The following B3GALT1 variants were observed in gnomAD, a reference collection of about 807,000 sequenced individuals.
The protein encoded by B3GALT1 is beta-1,3-galactosyltransferase 1, also known as UDP-Gal:betaGlcNAc beta 1,3-galactosyltransferase, polypeptide 1.
A neutral mutation model predicts 23.2 loss-of-function variants in B3GALT1; 10 were observed. The observed-to-expected ratio is 0.43, with a 90% CI of 0.27 to 0.73. B3GALT1 has a LOEUF of 0.73. B3GALT1 is among the 30% of genes least tolerant of loss of function. The pLI is 0.21. For synonymous variants in B3GALT1, 156 were observed against 141.5 expected, an observed-to-expected ratio of 1.10 and a Z score of -0.73; for missense variants, 299 against 405.4, an observed-to-expected ratio of 0.74 and a Z score of 2.25.
chr2:167,333,377 A>G lies in B3GALT1; in HGVS notation c.-511+40043A>G. Reference sequence around the variant, plus strand: ...AGTGTAAAGCAGGGCTAACACCAGGAGAATTGGTCAAAATTCTCTTTAAGA... The same window carrying G: ...AGTGTAAAGCAGGGCTAACACCAGGGGAATTGGTCAAAATTCTCTTTAAGA... On this transcript the variant is annotated intron_variant, in intron 1 of 4. Coordinates refer to ENST00000392690, the MANE Select transcript of B3GALT1 (RefSeq NM_020981.4). Among the ~76,000 whole-genome samples the G allele has an allele frequency of 1.3e-5, 2 of 152,210 alleles. 1 individual carries two copies. The highest frequency in any genetic ancestry group is 2.9e-5 in the Non-Finnish European group (2 of 68,036).
intron 4 of B3GALT1, among the ~76,000 whole-genome samples, chr2:167,820,085 C>A (rs1227642193): frequency 6.6e-6 from 1 of 152,130 alleles, no homozygotes; most frequent in Non-Finnish European, 1.5e-5. Context: ...GACAAATATA[C>A]TGAGTATTTT....
intron 3 of B3GALT1, among the ~76,000 whole-genome samples, chr2:167,765,187 C>A (rs553213868): frequency 6.6e-6 from 1 of 152,128 alleles, no homozygotes; most frequent in African/African-American, 2.4e-5. Flanking sequence ...TGCCTGAGAC[C>A]GGACTGCCTT....
At chr2:167,403,540 A>G (rs2105290598) in intron 1 of B3GALT1, among the ~76,000 whole-genome samples, 1 of 152,142 alleles carries the variant, frequency 6.6e-6, no homozygotes, top group African/African-American at 2.4e-5. Context: ...TTGTACAGAT[A>G]TGGTTTTGGT....
At chr2:167,623,268 G>A (rs185464839) in intron 2 of B3GALT1, among the ~76,000 whole-genome samples, 2 of 152,214 alleles carry the variant, frequency 1.3e-5, no homozygotes, top group Admixed American at 6.5e-5. Context: ...CCATTACTGG[G>A]TATATGCCCA....
Position 167,873,302 on chromosome 2 carries a change from T to C in B3GALT1, c.*3282T>C, listed in dbSNP as rs969558100. The C allele has an allele frequency of 6.6e-6, 1 of 152,200 alleles. No homozygotes were observed. The highest frequency in any genetic ancestry group is 2.4e-5 in the African/African-American group (1 of 41,442). 9.4% of individuals were successfully genotyped at this position (152,200 alleles called of 1,614,324 possible). The stretch of plus-strand genomic sequence containing the variant: ...TTCGGTGGCTTGGTGTCTTCTTATA[T>C]TGGAACAAGTGTCCATTTCAATATG... On this transcript the variant is annotated 3_prime_UTR_variant, in exon 5 of 5. Transcript: ENST00000392690.
At chr2:167,381,886 A>G (rs1194598874) in intron 1 of B3GALT1, among the ~76,000 whole-genome samples, 1 of 152,158 alleles carries the variant, frequency 6.6e-6, no homozygotes, top group Admixed American at 6.5e-5. Flanking sequence ...AATTTTGATC[A>G]GTTTATCTTT....
intron 2 of B3GALT1, among the ~76,000 whole-genome samples, chr2:167,492,496 G>C (rs1200679548): frequency 6.6e-6 from 1 of 152,088 alleles, no homozygotes; most frequent in African/African-American, 2.4e-5. Context: ...TATATACAAA[G>C]GAGTATTATG....
At chr2:167,447,425 G>GAA (rs1699017515) in intron 1 of B3GALT1, among the ~76,000 whole-genome samples, 1 of 152,208 alleles carries the variant, frequency 6.6e-6, no homozygotes, top group Non-Finnish European at 1.5e-5. Flanking sequence ...AGAAGTTTCT[G>GAA]CTACCTTTTG....
At position 167,629,597 on chromosome 2, in the gene B3GALT1, T is replaced by C. The variant is rs1274776973; in HGVS notation, c.-409-17312T>C. ...AATATCCTCTGAACCTCTGAACCAT[T>C]GTTTTATTAACATTTTTCTTTAAAT... On this transcript the variant is annotated intron_variant, in intron 2 of 4. Transcript: ENST00000392690. Among the ~76,000 whole-genome samples, 3 of 151,888 alleles carry C rather than the reference T, an allele frequency of 2.0e-5. No homozygotes were observed. In the East Asian group the frequency reaches 5.8e-4, roughly 29 times the overall value.
chr2:167,330,597 G>A (rs569070444), intron 1 of B3GALT1, among the ~76,000 whole-genome samples: 99 of 152,206 alleles, frequency 6.5e-4, no homozygotes, highest in Admixed American at 1.1e-3. Context: ...GCGACAGAGC[G>A]CGACCCAGCC....
intron 1 of B3GALT1, among the ~76,000 whole-genome samples, chr2:167,314,657 A>G (rs1404945781): frequency 6.6e-6 from 1 of 152,158 alleles, no homozygotes; most frequent in Non-Finnish European, 1.5e-5. Flanking sequence ...TTGCATGCAA[A>G]TAAGACACAT....
intron 1 of B3GALT1, among the ~76,000 whole-genome samples, chr2:167,418,779 C>T (rs550075676): frequency 5.1e-4 from 77 of 152,072 alleles, no homozygotes; most frequent in South Asian, 1.7e-3. Flanking sequence ...TCAGGCAGTC[C>T]GCCTGCTTTG....
intron 4 of B3GALT1, among the ~76,000 whole-genome samples, chr2:167,854,344 G>A (rs1041228909): frequency 1.3e-5 from 2 of 152,180 alleles, no homozygotes; most frequent in Non-Finnish European, 2.9e-5. Flanking sequence ...CTCTCTTGAA[G>A]GGCTTGACCT....
chr2:167,870,037 AAT>A lies in B3GALT1; in HGVS notation c.*20_*21del. 1 of 1,560,746 alleles carries A rather than the reference AAT, an allele frequency of 6.4e-7. No individual in the cohort carries two copies. The highest frequency in any genetic ancestry group is 8.7e-7 in the Non-Finnish European group (1 of 1,152,304). Reference sequence around the variant, plus strand: ...AGATGTTAGGATTTTTACCAATGTAAATATGTTTCTTTTCTTTTTTTAAGAAA... The same window carrying A: ...AGATGTTAGGATTTTTACCAATGTAAATGTTTCTTTTCTTTTTTTAAGAAA... On this transcript the variant is annotated 3_prime_UTR_variant, in exon 5 of 5. Coordinates refer to ENST00000392690, the MANE Select transcript of B3GALT1 (RefSeq NM_020981.4).
chr2:167,792,070 TA>T (rs966288594), intron 3 of B3GALT1, among the ~76,000 whole-genome samples: 69 of 126,024 alleles, frequency 5.5e-4, no homozygotes, highest in Admixed American at 6.9e-4. Flanking sequence ...AGTGCAAATC[TA>T]AAAAAAAAAA....
intron 3 of B3GALT1, chr2:167,716,166 A>G (rs2105249366): frequency 1.6e-6 from 2 of 1,253,334 alleles, no homozygotes; most frequent in Non-Finnish European, 2.2e-6. Flanking sequence ...GCACGCGGCA[A>G]CCAACCGGAG....
intron 2 of B3GALT1, among the ~76,000 whole-genome samples, chr2:167,505,209 G>T (rs1699901822): frequency 6.6e-6 from 1 of 152,138 alleles, no homozygotes; most frequent in South Asian, 2.1e-4. Flanking sequence ...TGATTAAAAT[G>T]AAGAGATGAG....
intron 3 of B3GALT1, among the ~76,000 whole-genome samples, chr2:167,801,244 C>G (rs1688632946): frequency 6.6e-6 from 1 of 152,110 alleles, no homozygotes; most frequent in African/African-American, 2.4e-5. Flanking sequence ...TATCAAAGAA[C>G]CCATCCCTGG....
At chr2:167,551,424 T>C (rs553358874) in intron 2 of B3GALT1, among the ~76,000 whole-genome samples, 33 of 152,292 alleles carry the variant, frequency 2.2e-4, no homozygotes, top group African/African-American at 7.7e-4. Context: ...AATGTAAGTG[T>C]TGATAGGTAC....
Sources: gnomAD v4.1 joint callset for allele counts (sites outside exome capture counted in the v4.1 genomes callset) on GRCh38, gnomAD v4.1.1 for gene constraint, MANE v1.5 for transcripts, NCBI Gene and HGNC (gene_info 2026-07-23, HGNC 2026-07-21) for gene names.